The following CHD3 variants were observed in gnomAD, a reference collection of about 807,000 sequenced individuals.
CHD3 encodes the protein ATP-dependent chromatin remodeler CHD3.
CHD3 carries 52 observed loss-of-function variants against 248.9 expected under a neutral mutation model. The ratio of observed to expected loss-of-function variants is 0.21; its 90% CI spans 0.17 to 0.26. CHD3 has a LOEUF of 0.26. Ranked by LOEUF, CHD3 falls within the 10% of genes least tolerant of loss-of-function variation. CHD3 has a pLI of 1.00. For missense variants in CHD3, 1,482 were observed against 2,605.8 expected (o/e 0.57, Z 9.39); for synonymous variants, 985 against 985.2 (o/e 1.00, Z 0.00).
At position 7,910,402 on chromosome 17, in the gene CHD3, T is replaced by G. The variant is rs764363333; in HGVS notation, c.5591-26T>G. On this transcript the variant is annotated intron_variant, in intron 37 of 39. Coordinates refer to ENST00000330494, the MANE Select transcript of CHD3 (RefSeq NM_001005273.3). The surrounding 1 kb of genome is among the most constrained non-coding windows in gnomAD (Gnocchi z 4.7). ...GTATTTCCCTGTCTTTCTCTTGCCC[T>G]TCTTTCTCTGTGGCCCGGGCCCCAG... is the stretch of plus-strand genomic sequence containing the variant. The G allele has an allele frequency of 3.1e-6, 5 of 1,614,134 alleles. No individual in the cohort carries two copies. Among genetic ancestry groups the G allele is most frequent in the South Asian group, 1.1e-5 (1 of 91,066 alleles).
Position 7,911,911 on chromosome 17 carries a change from A to G in CHD3, c.*326A>G, listed in dbSNP as rs1971712515. The stretch of plus-strand genomic sequence containing the variant: ...CCCAGTAAATGGTTGTGGGGAGGAA[A>G]GAGGTGGAGCCTCCCCAGCCGTTTC... On this transcript the variant is annotated 3_prime_UTR_variant, in exon 40 of 40. Coordinates refer to ENST00000330494, the MANE Select transcript of CHD3 (RefSeq NM_001005273.3). This position sits in a 1 kb window ranked among gnomAD's most constrained non-coding sequence, Gnocchi z 5.4. 2.2e-6 allele frequency: 1 copy of G among 444,552 alleles called. No homozygotes were observed. The highest frequency in any genetic ancestry group is 3.9e-6 in the Non-Finnish European group (1 of 255,472). 27.5% of individuals were successfully genotyped at this position (444,552 alleles called of 1,614,324 possible). A position where few individuals can be genotyped will look rare whatever the true frequency, so the allele number is the denominator to read the frequency against.
Position 7,911,924 on chromosome 17 carries a change from C to T in CHD3, c.*339C>T, listed in dbSNP as rs1971713801. 2.5e-6 allele frequency: 1 copy of T among 403,080 alleles called. No homozygotes were observed. The highest frequency in any genetic ancestry group is 4.5e-6 in the Non-Finnish European group (1 of 222,092). The allele number at this position is 403,080 out of a possible 1,614,324, so 25.0% of individuals were successfully genotyped here. On this transcript the variant is annotated 3_prime_UTR_variant, in exon 40 of 40. Coordinates refer to ENST00000330494, the MANE Select transcript of CHD3 (RefSeq NM_001005273.3). The surrounding 1 kb of genome is among the most constrained non-coding windows in gnomAD (Gnocchi z 5.4). ...TGTGGGGAGGAAAGAGGTGGAGCCTCCCCAGCCGTTTCCCTGCAGAATCAG... is the reference window on the plus strand; with the variant it reads ...TGTGGGGAGGAAAGAGGTGGAGCCTTCCCAGCCGTTTCCCTGCAGAATCAG...
At chr17:7,902,858 T>C in intron 21 of CHD3, 79 bp from the exon 22 acceptor site, 1 of 1,588,964 alleles carries the variant, frequency 6.3e-7, no homozygotes, top group Non-Finnish European at 8.6e-7. Flanking sequence ...CATGGTTGTT[T>C]GTCATCAGAG....
chr17:7,891,136 C>T, intron 4 of CHD3, 72 bp downstream of exon 4: 1 of 1,544,512 alleles, frequency 6.5e-7, no homozygotes, highest in Non-Finnish European at 8.9e-7. Flanking sequence ...CCCTTGGAAT[C>T]TGATGAAAGC....
At chr17:7,898,912 A>G in intron 13 of CHD3, 99 bp from the exon 14 acceptor site, 2 of 1,063,176 alleles carry the variant, frequency 1.9e-6, no homozygotes, top group Non-Finnish European at 1.4e-6. Flanking sequence ...AGTAGAGGGA[A>G]TTGTAATCCA....
At chr17:7,893,699 G>T in intron 5 of CHD3, 106 bp from the exon 6 acceptor site, 1 of 1,535,586 alleles carries the variant, frequency 6.5e-7, no homozygotes, top group Non-Finnish European at 8.7e-7. Context: ...GTGGGGCTTA[G>T]TGAAACCACA....
Position 7,903,395 on chromosome 17 carries a change from C to T in CHD3, c.3619C>T (p.Leu1207=). Residue 1207 remains leucine (L), a synonymous_variant, in exon 23 of 40, where the codon CTG becomes TTG. Transcript: ENST00000330494. The surrounding 1 kb of genome is among the most constrained non-coding windows in gnomAD (Gnocchi z 6.8). ...CAAGAGAAAGATGATGCTGACACAC[C>T]TGGTTGTGCGGCCTGGGCTGGGCTC... The part of the protein sequence containing the change: ...VAKRKMMLTH[L]VVRPGLGSKA... The T allele has an allele frequency of 2.5e-6, 4 of 1,614,208 alleles. No individual in the cohort carries two copies. Among genetic ancestry groups the T allele is most frequent in the Non-Finnish European group, 3.4e-6 (4 of 1,180,040 alleles).
rs73977779 is a variant in CHD3 at position 7,903,577 on chromosome 17, G to A, written c.3727+74G>A. On this transcript the variant is annotated intron_variant, in intron 23 of 39. Coordinates refer to ENST00000330494, the MANE Select transcript of CHD3 (RefSeq NM_001005273.3). This position sits in a 1 kb window ranked among gnomAD's most constrained non-coding sequence, Gnocchi z 6.8. ...GGAGTACTTATCAGCCCCCTGGGGAGAGAAAAACAACTCTTCTCTGCAGCC... is the reference window on the plus strand; with the variant it reads ...GGAGTACTTATCAGCCCCCTGGGGAAAGAAAAACAACTCTTCTCTGCAGCC... 3,089 of 1,296,846 alleles carry A rather than the reference G, an allele frequency of 2.4e-3. 56 individuals carry two copies. The African/African-American group carries it at 0.041, about 17-fold the overall frequency. The allele number at this position is 1,296,846 out of a possible 1,614,324, so 80.3% of individuals were successfully genotyped here. A position where few individuals can be genotyped will look rare whatever the true frequency, so the allele number is the denominator to read the frequency against.
At chr17:7,887,393 A>G (rs538130217), upstream of CHD3, among the ~76,000 whole-genome samples, 23 of 126,516 alleles carry the variant, frequency 1.8e-4, no homozygotes, top group South Asian at 5.1e-3. Flanking sequence ...CCAAAAACTC[A>G]TTTCTTCTCC....
chr17:7,889,233 C>A lies in CHD3; in HGVS notation c.100+133C>A. 5 of 1,101,260 alleles carry A rather than the reference C, an allele frequency of 4.5e-6. No homozygotes were observed. The highest frequency in any genetic ancestry group is 6.5e-6 in the Non-Finnish European group (5 of 770,628). The allele number at this position is 1,101,260 out of a possible 1,614,324, so 68.2% of individuals were successfully genotyped here. On this transcript the variant is annotated intron_variant, in intron 1 of 39. Transcript: ENST00000330494. The surrounding 1 kb of genome is among the most constrained non-coding windows in gnomAD (Gnocchi z 4.5). ...CCCAGCATCTGGCTTAGGGAGCTGC[C>A]AGCTTGTGTCTCCCCACTCCAAGTG...
At position 7,908,484 on chromosome 17, in the gene CHD3, C is replaced by T. The variant is rs1177869677; in HGVS notation, c.5235C>T (p.Asp1745=). Residue 1745 remains aspartate, a synonymous_variant, in exon 35 of 40, where the codon GAC becomes GAT. Transcript: ENST00000330494. This position sits in a 1 kb window ranked among gnomAD's most constrained non-coding sequence, Gnocchi z 5.8. ...ATGAGATCTGGCACAGAAGACATGA[C>T]TATTGGCTTCTGGCTGGGATTGTCC... ...KLNEIWHRRH[D]YWLLAGIVLH... 6.2e-7 allele frequency: 1 copy of T among 1,613,734 alleles called. No individual in the cohort carries two copies.
In CHD3 at chr17:7,899,669, C is replaced by G; in HGVS notation, c.2544+126C>G. 3 of 1,068,724 alleles carry G rather than the reference C, an allele frequency of 2.8e-6. No individual in the cohort carries two copies. The highest frequency in any genetic ancestry group is 4.3e-5 in the Admixed American group (2 of 46,510). 66.2% of individuals were successfully genotyped at this position (1,068,724 alleles called of 1,614,324 possible). On this transcript the variant is annotated intron_variant, in intron 15 of 39. Coordinates refer to ENST00000330494, the MANE Select transcript of CHD3 (RefSeq NM_001005273.3). The surrounding 1 kb of genome is among the most constrained non-coding windows in gnomAD (Gnocchi z 6.8). The stretch of plus-strand genomic sequence containing the variant: ...TCTTCCTCCACCTGTCCTCCTGTCT[C>G]TGCACTACCATCCTAGAGATATGGC...
At chr17:7,888,510 G>GC (rs1968341770), upstream of CHD3, among the ~76,000 whole-genome samples, 1 of 152,154 alleles carries the variant, frequency 6.6e-6, no homozygotes, top group Non-Finnish European at 1.5e-5. Flanking sequence ...GAGCCCCAGG[G>GC]CCCCAGGTCT....
chr17:7,906,345 C>G lies in CHD3; in HGVS notation c.4359-208C>G, dbSNP rs1970949407. On this transcript the variant is annotated intron_variant, in intron 28 of 39. Transcript: ENST00000330494. This position sits in a 1 kb window ranked among gnomAD's most constrained non-coding sequence, Gnocchi z 5.0. ...GGGCCCAGGAATTAAGTACCAAGGCCAAAGGGAAAGACCCAGGGGTGGGGC... is the reference window on the plus strand; with the variant it reads ...GGGCCCAGGAATTAAGTACCAAGGCGAAAGGGAAAGACCCAGGGGTGGGGC... The G allele has an allele frequency of 1.5e-6, 1 of 679,844 alleles. No homozygotes were observed. Among genetic ancestry groups the G allele is most frequent in the Admixed American group, 2.3e-5 (1 of 43,806 alleles). 42.1% of individuals were successfully genotyped at this position (679,844 alleles called of 1,614,324 possible).
intron 20 of CHD3, among the ~76,000 whole-genome samples, chr17:7,902,031 T>C (rs1407061471): frequency 6.6e-6 from 1 of 152,192 alleles, no homozygotes; most frequent in Non-Finnish European, 1.5e-5. Flanking sequence ...GACACAATTT[T>C]GTACGGATTT....
chr17:7,887,657 TAGA>T (rs1306860940), upstream of CHD3, among the ~76,000 whole-genome samples: 5 of 150,888 alleles, frequency 3.3e-5, no homozygotes, highest in South Asian at 2.1e-4. Flanking sequence ...ATGGTGAGAT[TAGA>T]AGAAGAGAGG....
At chr17:7,894,313 A>G (rs771757800) in intron 7 of CHD3, 48 bp downstream of exon 7, 3 of 1,596,594 alleles carry the variant, frequency 1.9e-6, no homozygotes, top group Non-Finnish European at 2.6e-6. Flanking sequence ...CCGTCCTCTC[A>G]TTCTTATTTT....
Position 7,894,535 on chromosome 17 carries a change from G to A in CHD3, c.1196G>A (p.Arg399His), listed in dbSNP as rs144356754. ...GEIILCDTCP[R>H]AYHLVCLDPE... is the part of the protein sequence containing the mutation. ...ATTATTCTGTGTGACACCTGCCCTC[G>A]TGCCTACCACCTCGTCTGCCTTGAT... is the stretch of plus-strand genomic sequence containing the variant. The change falls in exon 8 of 40, where the codon CGT (arginine) becomes CAT (histidine). Residue 399 changes from arginine (R) to histidine (H), a missense_variant. By Grantham distance (29) the Arg-to-His change is conservative (BLOSUM62 0). Transcript: ENST00000330494. 5.6e-6 allele frequency: 9 copies of A among 1,613,906 alleles called. No homozygotes were observed. The highest frequency in any genetic ancestry group is 1.3e-5 in the African/African-American group (1 of 74,858).
In CHD3 at chr17:7,895,563, C is replaced by T; in HGVS notation, c.1707+21C>T. 6.2e-7 allele frequency: 1 copy of T among 1,602,972 alleles called. No individual in the cohort carries two copies. The highest frequency in any genetic ancestry group is 8.5e-7 in the Non-Finnish European group (1 of 1,170,372). On this transcript the variant is annotated intron_variant, in intron 10 of 39. Transcript: ENST00000330494. This position sits in a 1 kb window ranked among gnomAD's most constrained non-coding sequence, Gnocchi z 4.9. ...TTCAGGTACTAGGACCTTTTCTTTC[C>T]CTCTCCCCCATGACCTCATTTCCTG...
Sources: gnomAD v4.1 joint callset for allele counts (sites outside exome capture counted in the v4.1 genomes callset) on GRCh38, gnomAD v4.1.1 for gene constraint, Gnocchi (gnomAD v3.1) non-coding constraint, MANE v1.5 for transcripts, NCBI Gene and HGNC (gene_info 2026-07-23, HGNC 2026-07-21) for gene names.